IL1RAPL1: variants seen among roughly 807,000 people sequenced by gnomAD.
The protein encoded by IL1RAPL1 is interleukin 1 receptor accessory protein like 1, also known as interleukin-1 receptor accessory protein-like 1.
A neutral mutation model predicts 48.4 loss-of-function variants in IL1RAPL1; 3 were observed. The observed-to-expected ratio is 0.06, with a 90% CI of 0.03 to 0.16. IL1RAPL1 has a LOEUF of 0.16. IL1RAPL1 is among the 10% of genes least tolerant of loss of function. IL1RAPL1 has a pLI of 1.00. For synonymous variants in IL1RAPL1, 185 were observed against 187.7 expected (o/e 0.99, Z 0.12); for missense variants, 349 against 530.6 (o/e 0.66, Z 3.36).
rs868702648 is a variant in IL1RAPL1 at position 29,089,762 on chromosome X, A to G, written c.83-193176A>G. Among the ~76,000 whole-genome samples the G allele has an allele frequency of 2.7e-5, 2 of 74,594 alleles. 1 individual carries two copies. The highest frequency in any genetic ancestry group is 1.0e-3 in the East Asian group (2 of 1,984). The allele number at this position is 74,594 out of a possible 115,157, so 64.8% of individuals were successfully genotyped here. A position where few individuals can be genotyped will look rare whatever the true frequency, so the allele number is the denominator to read the frequency against. Reference sequence around the variant, plus strand: ...CAGAGAAATATGAATATATATATATATATATATATATATATATATATATAT... The same window carrying G: ...CAGAGAAATATGAATATATATATATGTATATATATATATATATATATATAT... On this transcript the variant is annotated intron_variant, in intron 2 of 10. Coordinates refer to ENST00000378993, the MANE Select transcript of IL1RAPL1 (RefSeq NM_014271.4).
chrX:28,983,801 T>C (rs1187699168), intron 2 of IL1RAPL1, among the ~76,000 whole-genome samples: 1 of 111,819 alleles, frequency 8.9e-6, no homozygotes, highest in Non-Finnish European at 1.9e-5. Flanking sequence ...TGTAATGAAT[T>C]AATTGGAAAT....
intron 5 of IL1RAPL1, among the ~76,000 whole-genome samples, chrX:29,518,068 T>G (rs1194130294): frequency 9.3e-6 from 1 of 107,779 alleles, no homozygotes; most frequent in Non-Finnish European, 1.9e-5. Context: ...ATGCATTAAT[T>G]CATTCAACAA....
intron 2 of IL1RAPL1, among the ~76,000 whole-genome samples, chrX:28,849,601 A>G (rs185863658): frequency 1.8e-5 from 2 of 112,331 alleles, no homozygotes; most frequent in Admixed American, 1.9e-4. Context: ...TAGTTTTTCT[A>G]AGAACATCTA....
At chrX:29,570,562 TGTTTTCTCA>T (rs1922560146) in intron 5 of IL1RAPL1, among the ~76,000 whole-genome samples, 1 of 112,359 alleles carries the variant, frequency 8.9e-6, no homozygotes, top group African/African-American at 3.2e-5. Context: ...TGGCTTCCTT[TGTTTTCTCA>T]GTTAAGAAGA....
At chrX:29,319,260 C>T (rs1164397642) in intron 3 of IL1RAPL1, among the ~76,000 whole-genome samples, 3 of 107,906 alleles carry the variant, frequency 2.8e-5, no homozygotes, top group Admixed American at 1.0e-4. Flanking sequence ...GGGGTGATCA[C>T]GGCTCACAGC....
chrX:29,029,380 C>G (rs1294977016), intron 2 of IL1RAPL1, among the ~76,000 whole-genome samples: 1 of 111,385 alleles, frequency 9.0e-6, no homozygotes, highest in Non-Finnish European at 1.9e-5. Flanking sequence ...TAGAAGGTAT[C>G]TCTCTTCACA....
intron 2 of IL1RAPL1, among the ~76,000 whole-genome samples, chrX:28,793,385 CCTTCCTTT>C (rs200647104): frequency 0.049 from 5,407 of 110,283 alleles, 286 homozygotes; most frequent in East Asian, 0.3. Flanking sequence ...TTCCTTCCTT[CCTTCCTTT>C]CTTCCTCCCT....
intron 3 of IL1RAPL1, among the ~76,000 whole-genome samples, chrX:29,386,945 G>A (rs1933786017): frequency 8.9e-6 from 1 of 112,146 alleles, no homozygotes; most frequent in African/African-American, 3.2e-5. Flanking sequence ...CCATTGCTGG[G>A]CTTAGTGTTT....
At chrX:29,008,147 G>C (rs1926027927) in intron 2 of IL1RAPL1, among the ~76,000 whole-genome samples, 1 of 109,694 alleles carries the variant, frequency 9.1e-6, no homozygotes, top group South Asian at 3.9e-4. Context: ...GATTACAGGT[G>C]TGCAGCACCA....
intron 1 of IL1RAPL1, among the ~76,000 whole-genome samples, chrX:28,712,938 C>G (rs1407898269): frequency 9.0e-6 from 1 of 111,533 alleles, no homozygotes; most frequent in Admixed American, 9.6e-5. Context: ...AATTAAATGT[C>G]CATCGCTAAA....
At chrX:29,314,114 G>A (rs2147621020) in intron 3 of IL1RAPL1, among the ~76,000 whole-genome samples, 1 of 111,943 alleles carries the variant, frequency 8.9e-6, no homozygotes, top group African/African-American at 3.2e-5. Context: ...CGCCATAATA[G>A]CCTGTTGATT....
In IL1RAPL1 at chrX:29,790,509, G is replaced by A. The variant is rs190357162; in HGVS notation, c.778+122005G>A. Among the ~76,000 whole-genome samples the A allele has an allele frequency of 5.8e-4, 65 of 111,980 alleles. 1 individual carries two copies. Among genetic ancestry groups the A allele is most frequent in the Admixed American group, 5.4e-3 (57 of 10,525 alleles). On this transcript the variant is annotated intron_variant, in intron 6 of 10. Transcript: ENST00000378993. Reference sequence around the variant, plus strand: ...TCTTGTATAATGATATGCCTTTTTAGCAATGGTTACACTTCTGGCTTTATA... The same window carrying A: ...TCTTGTATAATGATATGCCTTTTTAACAATGGTTACACTTCTGGCTTTATA...
chrX:29,776,339 A>G (rs962816324), intron 6 of IL1RAPL1, among the ~76,000 whole-genome samples: 1 of 110,983 alleles, frequency 9.0e-6, no homozygotes, highest in Non-Finnish European at 1.9e-5. Context: ...ATCAGTCACA[A>G]TTTGTATCCT....
chrX:29,498,582 C>CT (rs1381465499), intron 5 of IL1RAPL1, among the ~76,000 whole-genome samples: 10 of 105,506 alleles, frequency 9.5e-5, no homozygotes, highest in South Asian at 4.0e-4. Flanking sequence ...GTGGTTTTTT[C>CT]TTTTTTAAAA....
At chrX:29,012,069 C>T (rs970829522) in intron 2 of IL1RAPL1, among the ~76,000 whole-genome samples, 1 of 112,035 alleles carries the variant, frequency 8.9e-6, no homozygotes, top group East Asian at 2.8e-4. Context: ...GATTTTGGCA[C>T]CACAGTGCAT....
At chrX:28,883,798 TA>T (rs1295724329) in intron 2 of IL1RAPL1, among the ~76,000 whole-genome samples, 1 of 112,630 alleles carries the variant, frequency 8.9e-6, no homozygotes, top group Non-Finnish European at 1.9e-5. Context: ...TCATTATTTG[TA>T]ACTAATATGT....
Position 29,814,922 on chromosome X carries a change from T to A in IL1RAPL1, c.779-102542T>A, listed in dbSNP as rs998986218. Among the ~76,000 whole-genome samples the A allele has an allele frequency of 2.6e-4, 29 of 111,365 alleles. 1 individual carries two copies. The highest frequency in any genetic ancestry group is 8.2e-4 in the African/African-American group (25 of 30,630). On this transcript the variant is annotated intron_variant, in intron 6 of 10. Transcript: ENST00000378993. ...GTGGCTTTATTTCTGGGTTATCCAT[T>A]CTGTTCCATTGGTCTATGTGTCTGT...
intron 6 of IL1RAPL1, among the ~76,000 whole-genome samples, chrX:29,681,837 A>G (rs966299685): frequency 1.8e-5 from 2 of 111,421 alleles, no homozygotes; most frequent in African/African-American, 6.5e-5. Context: ...AATTTTTAGT[A>G]GATAATACCA....
rs754332375 is a variant in IL1RAPL1 at position 28,920,600 on chromosome X, C to T, written c.82+131175C>T. On this transcript the variant is annotated intron_variant, in intron 2 of 10. Coordinates refer to ENST00000378993, the MANE Select transcript of IL1RAPL1 (RefSeq NM_014271.4). ...GTGGTTCCAGGCTAAGATTCACTCACCCTTCTTCAAAAGTTGTATACAAAG... is the reference window on the plus strand; with the variant it reads ...GTGGTTCCAGGCTAAGATTCACTCATCCTTCTTCAAAAGTTGTATACAAAG... Among the ~76,000 whole-genome samples the T allele has an allele frequency of 3.6e-5, 4 of 111,914 alleles. No homozygotes were observed. The East Asian group carries it at 1.1e-3, about 32-fold the overall frequency.
Sources: gnomAD v4.1 joint callset for allele counts (sites outside exome capture counted in the v4.1 genomes callset) on GRCh38, gnomAD v4.1.1 for gene constraint, MANE v1.5 for transcripts, NCBI Gene and HGNC (gene_info 2026-07-23, HGNC 2026-07-21) for gene names.